Variants in MAP2K4 observed in about 807,000 individuals in gnomAD.
The protein encoded by MAP2K4 is mitogen-activated protein kinase kinase 4.
A neutral mutation model predicts 48.5 loss-of-function variants in MAP2K4; 4 were observed. That is an observed-to-expected ratio of 0.08 (90% CI 0.04 to 0.19). The LOEUF (loss-of-function observed/expected upper bound fraction) is 0.19. Ranked by LOEUF, MAP2K4 falls within the 10% of genes least tolerant of loss-of-function variation. The pLI is 1.00. For synonymous variants in MAP2K4, 166 were observed against 173.1 expected (o/e 0.96, Z 0.32); for missense variants, 258 against 493.3 (o/e 0.52, Z 4.52).
chr17:12,061,896 G>GT (rs138518335), intron 2 of MAP2K4, among the ~76,000 whole-genome samples: 25,270 of 150,508 alleles, frequency 0.17, 2,434 homozygotes, highest in South Asian at 0.3. Context: ...TTTTCAGTGT[G>GT]TTTTTTTTTA....
intron 2 of MAP2K4, among the ~76,000 whole-genome samples, chr17:12,079,738 A>G (rs1156786485): frequency 1.3e-5 from 2 of 152,234 alleles, no homozygotes; most frequent in Non-Finnish European, 2.9e-5. Flanking sequence ...ATAGAACAAT[A>G]ATCATTATAC....
chr17:12,069,816 C>T (rs565750970), intron 2 of MAP2K4: 18 of 648,964 alleles, frequency 2.8e-5, no homozygotes, highest in Admixed American at 8.0e-5. Flanking sequence ...CGTAACAGTA[C>T]GGACACAGAA....
At chr17:12,041,596 T>G (rs1465180745) in intron 1 of MAP2K4, among the ~76,000 whole-genome samples, 3 of 152,200 alleles carry the variant, frequency 2.0e-5, no homozygotes, top group Non-Finnish European at 4.4e-5. Flanking sequence ...ACTAAAAGCT[T>G]CTGGTAACTT....
intron 3 of MAP2K4, chr17:12,082,027 C>A (rs1394179029): frequency 2.0e-5 from 10 of 501,364 alleles, no homozygotes; most frequent in South Asian, 1.5e-4. Flanking sequence ...TTGTTTATTT[C>A]ATCTCTACTC....
At chr17:12,072,839 A>G (rs1443204867) in intron 2 of MAP2K4, among the ~76,000 whole-genome samples, 1 of 152,216 alleles carries the variant, frequency 6.6e-6, no homozygotes, top group East Asian at 1.9e-4. Flanking sequence ...TAAGTGTCTC[A>G]AAAATAATAA....
chr17:12,027,176 A>C (rs143988478), intron 1 of MAP2K4, among the ~76,000 whole-genome samples: 1 of 152,134 alleles, frequency 6.6e-6, no homozygotes, highest in African/African-American at 2.4e-5. Context: ...TTTAATGTGT[A>C]CTTAAATTAA....
chr17:12,040,933 C>G (rs553721554), intron 1 of MAP2K4, among the ~76,000 whole-genome samples: 29 of 152,266 alleles, frequency 1.9e-4, no homozygotes, highest in African/African-American at 6.0e-4. Flanking sequence ...TTATTAAAGT[C>G]TCTCTCTCAT....
intron 4 of MAP2K4, among the ~76,000 whole-genome samples, chr17:12,106,709 T>C (rs187747978): frequency 9.9e-5 from 15 of 152,246 alleles, no homozygotes; most frequent in Admixed American, 5.2e-4. Context: ...TTAAAAATCA[T>C]TTTGATAGTA....
chr17:12,108,023 C>A, intron 5 of MAP2K4, 114 bp downstream of exon 5: 1 of 968,640 alleles, frequency 1.0e-6, no homozygotes, highest in Non-Finnish European at 1.5e-6. Context: ...GAAAATAATT[C>A]ATAGTTAATA....
At chr17:12,049,356 A>G (rs1970063684) in intron 1 of MAP2K4, among the ~76,000 whole-genome samples, 2 of 152,356 alleles carry the variant, frequency 1.3e-5, no homozygotes, top group South Asian at 2.1e-4. Context: ...TGGTGGTTCT[A>G]GGGAATACCC....
intron 3 of MAP2K4, chr17:12,082,022 T>C (rs1207423785): frequency 2.0e-6 from 1 of 509,178 alleles, no homozygotes; most frequent in African/African-American, 1.9e-5. Flanking sequence ...TCTGTTTGTT[T>C]ATTTCATCTC....
At chr17:12,114,307 A>C (rs1019699133) in intron 7 of MAP2K4, among the ~76,000 whole-genome samples, 1 of 152,128 alleles carries the variant, frequency 6.6e-6, no homozygotes, top group Non-Finnish European at 1.5e-5. Flanking sequence ...TACAAATTCA[A>C]CTTACTGCAT....
intron 7 of MAP2K4, among the ~76,000 whole-genome samples, chr17:12,122,217 G>C (rs1292819302): frequency 2.6e-5 from 4 of 152,194 alleles, no homozygotes; most frequent in African/African-American, 9.6e-5. Flanking sequence ...GAGGATGAGA[G>C]GAATACATAA....
intron 2 of MAP2K4, among the ~76,000 whole-genome samples, chr17:12,068,785 T>A (rs202213639): frequency 6.6e-6 from 1 of 151,654 alleles, no homozygotes; most frequent in East Asian, 1.9e-4. Flanking sequence ...GTATATGTAT[T>A]TATGTATACA....
At chr17:12,066,969 G>A (rs1039128923) in intron 2 of MAP2K4, among the ~76,000 whole-genome samples, 2 of 152,112 alleles carry the variant, frequency 1.3e-5, no homozygotes, top group Admixed American at 6.5e-5. Flanking sequence ...GAGCCACCGC[G>A]CCCGGCCCAC....
chr17:12,122,480 A>G (rs1198543459), intron 7 of MAP2K4, among the ~76,000 whole-genome samples: 1 of 152,224 alleles, frequency 6.6e-6, no homozygotes, highest in Non-Finnish European at 1.5e-5. Flanking sequence ...TGGAATTAAA[A>G]ATATTTTCCA....
At chr17:12,070,874 TA>T (rs1970780069) in intron 2 of MAP2K4, among the ~76,000 whole-genome samples, 2 of 152,224 alleles carry the variant, frequency 1.3e-5, no homozygotes, top group African/African-American at 4.8e-5. Flanking sequence ...TCTGTGAGAT[TA>T]CCACAAACTT....
intron 4 of MAP2K4, among the ~76,000 whole-genome samples, chr17:12,103,235 T>C (rs908756708): frequency 1.4e-5 from 2 of 142,654 alleles, no homozygotes; most frequent in South Asian, 4.5e-4. Context: ...TTTTTGGAGG[T>C]GGGGTCTCAC....
At chr17:12,057,640 TCTC>T (rs981643788) in intron 2 of MAP2K4, among the ~76,000 whole-genome samples, 41 of 152,108 alleles carry the variant, frequency 2.7e-4, no homozygotes, top group African/African-American at 9.4e-4. Context: ...CCTATCATCT[TCTC>T]CTGAAACTTG....
Sources: gnomAD v4.1 joint callset for allele counts (sites outside exome capture counted in the v4.1 genomes callset) on GRCh38, gnomAD v4.1.1 for gene constraint, MANE v1.5 for transcripts, NCBI Gene and HGNC (gene_info 2026-07-23, HGNC 2026-07-21) for gene names.